CSPP1: variants seen among roughly 807,000 people sequenced by gnomAD.
The protein encoded by CSPP1 is centrosome and spindle pole-associated protein 1.
Under a neutral mutation model 164.4 loss-of-function variants are expected in CSPP1, and 126 were observed. That is an observed-to-expected ratio of 0.77 (90% CI 0.66 to 0.89). The LOEUF (loss-of-function observed/expected upper bound fraction) is 0.89. CSPP1 is among the 40% of genes least tolerant of loss of function. The probability of loss-of-function intolerance (pLI) is 0.00; values close to 1 mark genes in which losing one functional copy is unlikely to be tolerated. For missense variants in CSPP1, 1,395 were observed against 1,449.8 expected (o/e 0.96, Z 0.61); for synonymous variants, 472 against 476.7 (o/e 0.99, Z 0.13).
Position 67,105,901 on chromosome 8 carries a change from T to G in CSPP1, c.1023-4T>G, listed in dbSNP as rs1353597317. The G allele has an allele frequency of 4.6e-6, 7 of 1,517,682 alleles. No individual in the cohort carries two copies. The highest frequency in any genetic ancestry group is 6.4e-6 in the Non-Finnish European group (7 of 1,093,918). The allele number at this position is 1,517,682 out of a possible 1,614,324, so 94.0% of individuals were successfully genotyped here. ...ACTCTTTTTCTCTGTCTTTTTTTCT[T>G]TAGTGCTCCAGACAATGAAACATCC... On this transcript the variant is annotated splice_region_variant and splice_polypyrimidine_tract_variant and intron_variant, in intron 8 of 30. Coordinates refer to ENST00000678616, the MANE Select transcript of CSPP1 (RefSeq NM_001382391.1).
intron 15 of CSPP1, among the ~76,000 whole-genome samples, chr8:67,129,822 C>T (rs553485153): frequency 1.3e-5 from 2 of 152,266 alleles, no homozygotes; most frequent in Non-Finnish European, 2.9e-5. Flanking sequence ...AGGCTACTTA[C>T]TTAATAATTA....
At position 67,164,524 on chromosome 8, in the gene CSPP1, C is replaced by A. The variant is rs749065903; in HGVS notation, c.2828+16C>A. 3.2e-6 allele frequency: 4 copies of A among 1,249,586 alleles called. No homozygotes were observed. Among genetic ancestry groups the A allele is most frequent in the Non-Finnish European group, 4.7e-6 (4 of 855,324 alleles). The allele number at this position is 1,249,586 out of a possible 1,614,324, so 77.4% of individuals were successfully genotyped here. Reference sequence around the variant, plus strand: ...TTCCTATCAGGCAAGTTTAGAATTGCAGTTTTTGTGTTCGCTTGAGTTCTT... The same window carrying A: ...TTCCTATCAGGCAAGTTTAGAATTGAAGTTTTTGTGTTCGCTTGAGTTCTT... On this transcript the variant is annotated intron_variant, in intron 24 of 30. Transcript: ENST00000678616.
intron 8 of CSPP1, among the ~76,000 whole-genome samples, chr8:67,105,021 G>T (rs1183914467): frequency 8.9e-6 from 1 of 112,880 alleles, no homozygotes; most frequent in South Asian, 2.9e-4. Context: ...TTATGAAAAA[G>T]GATTTTTTTT....
chr8:67,195,458 T>A lies in CSPP1; in HGVS notation c.3546T>A (p.Thr1182=). 6.2e-7 allele frequency: 1 copy of A among 1,614,156 alleles called. No homozygotes were observed. The change falls in exon 31 of 31, where the codon ACT becomes ACA. Residue 1182 remains threonine, a synonymous_variant. Transcript: ENST00000678616. Reference sequence around the variant, plus strand: ...ATGACGGATCAAACTCTGTAGCAACTGAGCCCTGGCTCCGCCCTGGCACTT... The same window carrying A: ...ATGACGGATCAAACTCTGTAGCAACAGAGCCCTGGCTCCGCCCTGGCACTT... The part of the protein sequence containing the change: ...IGDDGSNSVA[T]EPWLRPGTSE...
intron 24 of CSPP1, among the ~76,000 whole-genome samples, chr8:67,167,433 G>A (rs1195896716): frequency 6.6e-6 from 1 of 150,634 alleles, no homozygotes; most frequent in Admixed American, 6.6e-5. Context: ...CGGCTGGCCG[G>A]GCGGGGGCTG....
Position 67,159,077 on chromosome 8 carries a change from A to C in CSPP1, c.2478A>C (p.Lys826Asn). 4 of 1,613,180 alleles carry C rather than the reference A, an allele frequency of 2.5e-6. No individual in the cohort carries two copies. The highest frequency in any genetic ancestry group is 3.4e-6 in the Non-Finnish European group (4 of 1,179,702). Reference protein sequence around the residue: ...AERKKKEEEEKYNLQLQHYCE... With the variant: ...AERKKKEEEENYNLQLQHYCE... ...GAAAGAAGAAAGAAGAAGAAGAAAA[A>C]TATAACCTGCAACTTCAGCACTACT... Residue 826 changes from lysine (K) to asparagine (N), a missense_variant, in exon 21 of 31, where the codon AAA (lysine) becomes AAC (asparagine). Lys to Asn is a moderately conservative substitution (Grantham distance 94). Transcript: ENST00000678616.
intron 24 of CSPP1, among the ~76,000 whole-genome samples, chr8:67,169,509 G>C (rs954235305): frequency 6.6e-6 from 1 of 151,896 alleles, no homozygotes; most frequent in Non-Finnish European, 1.5e-5. Context: ...CATGATCTTC[G>C]GCTCACTGCA....
intron 19 of CSPP1, among the ~76,000 whole-genome samples, chr8:67,155,063 C>T (rs1157600146): frequency 2.0e-5 from 3 of 152,288 alleles, no homozygotes; most frequent in Middle Eastern, 3.4e-3. Flanking sequence ...CCAGACTATT[C>T]GCAAAGGAAG....
intron 1 of CSPP1, chr8:67,064,770 T>G (rs1805179770): frequency 6.1e-6 from 2 of 329,420 alleles, no homozygotes; most frequent in East Asian, 1.3e-4. Context: ...GTTAAGGGTG[T>G]GGAGAGTTGG....
Position 67,175,453 on chromosome 8 carries a change from G to A in CSPP1, c.3109+17G>A. 6.2e-7 allele frequency: 1 copy of A among 1,613,904 alleles called. No individual in the cohort carries two copies. Among genetic ancestry groups the A allele is most frequent in the Non-Finnish European group, 8.5e-7 (1 of 1,179,820 alleles). On this transcript the variant is annotated intron_variant, in intron 26 of 30. Transcript: ENST00000678616. ...GTGCCAAAGGTAAGAAATAATCATT[G>A]CTGTGTCAAATAGTATCAGCACGCT...
At chr8:67,172,342 T>C (rs1830637620) in intron 24 of CSPP1, 74 bp from the exon 25 acceptor site, 1 of 1,241,540 alleles carries the variant, frequency 8.1e-7, no homozygotes, top group African/African-American at 1.5e-5. Context: ...CCAAATTTCT[T>C]TTACAGTGAA....
At chr8:67,162,092 C>T (rs1828476149) in intron 22 of CSPP1, among the ~76,000 whole-genome samples, 177 bp downstream of exon 22, 1 of 152,034 alleles carries the variant, frequency 6.6e-6, no homozygotes, top group South Asian at 2.1e-4. Flanking sequence ...TGCTTGGTGC[C>T]CTAAAGTTTC....
At chr8:67,087,283 G>A (rs1810607772) in intron 4 of CSPP1, among the ~76,000 whole-genome samples, 1 of 152,082 alleles carries the variant, frequency 6.6e-6, no homozygotes. Context: ...AGATTGCATT[G>A]TCCATTTATA....
At chr8:67,186,499 TTA>T (rs1408791159) in intron 28 of CSPP1, among the ~76,000 whole-genome samples, 1 of 151,780 alleles carries the variant, frequency 6.6e-6, no homozygotes, top group Non-Finnish European at 1.5e-5. Context: ...TACCACCCAT[TTA>T]TGGTAACTCA....
intron 17 of CSPP1, among the ~76,000 whole-genome samples, chr8:67,142,481 G>A (rs1326321461): frequency 6.6e-6 from 1 of 151,986 alleles, no homozygotes; most frequent in Non-Finnish European, 1.5e-5. Flanking sequence ...CATCCATGTT[G>A]TTACATATGT....
chr8:67,082,114 C>G (rs1253510756), intron 3 of CSPP1, among the ~76,000 whole-genome samples: 3 of 152,184 alleles, frequency 2.0e-5, no homozygotes, highest in African/African-American at 4.8e-5. Flanking sequence ...GTGGCGCGAT[C>G]TCGGCTCACT....
chr8:67,067,449 TTTTGTTTGTTTG>T (rs879464939), intron 1 of CSPP1, among the ~76,000 whole-genome samples: 2 of 152,154 alleles, frequency 1.3e-5, no homozygotes, highest in Admixed American at 1.3e-4. Flanking sequence ...GCTCTGTTTT[TTTTGTTTGTTTG>T]TTTGTTTGTT....
chr8:67,179,288 G>C lies in CSPP1; in HGVS notation c.3157-575G>C, dbSNP rs185134944. Among the ~76,000 whole-genome samples the C allele has an allele frequency of 6.4e-4, 98 of 152,014 alleles. 1 individual carries two copies. In the South Asian group the frequency reaches 0.02, roughly 30 times the overall value. Reference sequence around the variant, plus strand: ...ATACTATATGCTCCACTATATCTGTGCTGCATCATTGTGGCAATTGCTGTC... The same window carrying C: ...ATACTATATGCTCCACTATATCTGTCCTGCATCATTGTGGCAATTGCTGTC... On this transcript the variant is annotated intron_variant, in intron 27 of 30. Coordinates refer to ENST00000678616, the MANE Select transcript of CSPP1 (RefSeq NM_001382391.1).
At chr8:67,065,190 C>T (rs1257655075) in intron 1 of CSPP1, among the ~76,000 whole-genome samples, 1 of 152,102 alleles carries the variant, frequency 6.6e-6, no homozygotes, top group African/African-American at 2.4e-5. Context: ...CTGTTGTGAC[C>T]GTATTTCCCC....
Sources: allele counts gnomAD v4.1 joint callset (sites outside exome capture counted in the v4.1 genomes callset), GRCh38; gene constraint gnomAD v4.1.1; transcripts MANE v1.5; gene names NCBI Gene and HGNC (gene_info 2026-07-23, HGNC 2026-07-21).